Variants in MAST4 observed in about 807,000 individuals in gnomAD.
MAST4 encodes microtubule associated serine/threonine kinase family member 4.
MAST4 carries 89 observed loss-of-function variants against 162.7 expected under a neutral mutation model. The observed-to-expected ratio is 0.55, with a 90% CI of 0.46 to 0.65. The LOEUF is 0.65. MAST4 is among the 30% of genes least tolerant of loss of function. The pLI is 0.00. For missense variants in MAST4, 3,153 were observed against 3,374.0 expected (o/e 0.93, Z 1.62); for synonymous variants, 1,479 against 1,361.1 (o/e 1.09, Z -1.91).
intron 4 of MAST4, among the ~76,000 whole-genome samples, chr5:67,014,698 A>T (rs1484018702): frequency 3.3e-5 from 5 of 152,212 alleles, no homozygotes; most frequent in Non-Finnish European, 4.4e-5. Flanking sequence ...CAGGCTTAAG[A>T]TCAGAGACCT....
chr5:67,000,609 G>T (rs943992375), intron 4 of MAST4, among the ~76,000 whole-genome samples: 3 of 152,152 alleles, frequency 2.0e-5, no homozygotes, highest in Non-Finnish European at 4.4e-5. Context: ...TTAGTTGGGT[G>T]TGGTGGCGAC....
In MAST4 at chr5:67,166,109, A is replaced by T. The variant is rs1773916186; in HGVS notation, c.6930A>T (p.Pro2310=). ...KPVHLPRPGH[P]GPSEPADQKL... is the part of the protein sequence containing the mutation. ...TGCATTTGCCAAGGCCGGGACACCC[A>T]GGGCCTAGTGAGCCAGCGGACCAGA... Residue 2310 remains proline (P), a synonymous_variant, in exon 29 of 29, where the codon CCA becomes CCT. Coordinates refer to ENST00000403625, the MANE Select transcript of MAST4 (RefSeq NM_001164664.2). 1.9e-6 allele frequency: 3 copies of T among 1,610,404 alleles called. No individual in the cohort carries two copies. The highest frequency in any genetic ancestry group is 2.5e-6 in the Non-Finnish European group (3 of 1,178,246).
intron 4 of MAST4, chr5:67,004,838 T>C (rs549324234): frequency 5.0e-6 from 3 of 604,114 alleles, no homozygotes; most frequent in East Asian, 2.8e-5. Context: ...CAAGTTGTTC[T>C]TGAGATCACA....
intron 5 of MAST4, among the ~76,000 whole-genome samples, chr5:67,066,463 G>A (rs952783563): frequency 6.6e-6 from 1 of 150,828 alleles, no homozygotes; most frequent in African/African-American, 2.4e-5. Context: ...ATATATAAAT[G>A]TATGATCATA....
At chr5:66,728,873 A>G (rs1241313520) in intron 1 of MAST4, among the ~76,000 whole-genome samples, 3 of 152,234 alleles carry the variant, frequency 2.0e-5, no homozygotes, top group African/African-American at 7.2e-5. Context: ...AAATAACACC[A>G]AAAGTCTGTC....
intron 4 of MAST4, among the ~76,000 whole-genome samples, chr5:66,914,721 T>C (rs114026288): frequency 0.013 from 1,927 of 152,284 alleles, 11 homozygotes; most frequent in Non-Finnish European, 0.019. Flanking sequence ...ACTGATTGCT[T>C]ATCTAGGACA....
At chr5:66,625,536 T>A (rs1465391731) in intron 1 of MAST4, among the ~76,000 whole-genome samples, 6 of 152,122 alleles carry the variant, frequency 3.9e-5, no homozygotes, top group Admixed American at 2.6e-4. Flanking sequence ...AGTACCTAAA[T>A]AGGTACTTGT....
At chr5:66,969,569 C>A (rs141191837) in intron 4 of MAST4, among the ~76,000 whole-genome samples, 179 of 152,296 alleles carry the variant, frequency 1.2e-3, no homozygotes, top group African/African-American at 4.0e-3. Flanking sequence ...GCGTAATTCT[C>A]ACCTAGTCCC....
intron 4 of MAST4, among the ~76,000 whole-genome samples, chr5:66,979,868 A>G (rs1386598871): frequency 6.6e-6 from 1 of 152,238 alleles, no homozygotes; most frequent in African/African-American, 2.4e-5. Flanking sequence ...TGTGTATAGA[A>G]TACATTTAAC....
intron 1 of MAST4, among the ~76,000 whole-genome samples, chr5:66,687,513 G>GAT (rs1183728609): frequency 1.4e-5 from 2 of 148,052 alleles, no homozygotes; most frequent in African/African-American, 5.3e-5. Context: ...TGTATACATA[G>GAT]ATGTGTGTGT....
chr5:66,883,420 C>CTTTTTTTTTTTTTTTTTT (rs1484230630), intron 3 of MAST4, among the ~76,000 whole-genome samples: 2 of 125,514 alleles, frequency 1.6e-5, no homozygotes, highest in Non-Finnish European at 1.6e-5. Context: ...TGTTCTGTCA[C>CTTTTTTTTTTTTTTTTTT]TGTTTTTTTT....
chr5:67,166,563 T>C lies in MAST4; in HGVS notation c.7384T>C (p.Ser2462Pro). 6.2e-7 allele frequency: 1 copy of C among 1,605,666 alleles called. No individual in the cohort carries two copies. The change falls in exon 29 of 29, where the codon TCC (serine) becomes CCC (proline). Residue 2462 changes from serine (S) to proline (P), a missense_variant. Ser to Pro is a moderately conservative substitution (Grantham distance 74, BLOSUM62 -1). Transcript: ENST00000403625. Reference sequence around the variant, plus strand: ...CCTCCCGGAAAAGTCTCTGAGCTGCTCCTCCAGCTTCCCTGAAACCAGGGC... The same window carrying C: ...CCTCCCGGAAAAGTCTCTGAGCTGCCCCTCCAGCTTCCCTGAAACCAGGGC... Reference protein sequence around the residue: ...TALPEKSLSCSSSFPETRAGV... With the variant: ...TALPEKSLSCPSSFPETRAGV...
At chr5:66,905,325 AAAATG>A (rs70987145) in intron 4 of MAST4, among the ~76,000 whole-genome samples, 3,440 of 144,514 alleles carry the variant, frequency 0.024, 117 homozygotes, top group African/African-American at 0.057. Context: ...AAAAAAAAAA[AAAATG>A]GGATATCCAG....
At chr5:67,071,022 G>C (rs769397086) in intron 5 of MAST4, among the ~76,000 whole-genome samples, 1 of 152,072 alleles carries the variant, frequency 6.6e-6, no homozygotes, top group Non-Finnish European at 1.5e-5. Context: ...GATAAGTTGG[G>C]GATTCATTTA....
intron 1 of MAST4, among the ~76,000 whole-genome samples, chr5:66,607,999 A>G (rs1011642240): frequency 3.9e-5 from 6 of 151,930 alleles, no homozygotes; most frequent in African/African-American, 1.5e-4. Context: ...ATATGTATAT[A>G]TTTTGAAATG....
intron 23 of MAST4, among the ~76,000 whole-genome samples, 158 bp downstream of exon 23, chr5:67,145,537 C>T (rs1227151659): frequency 6.6e-6 from 1 of 152,214 alleles, no homozygotes; most frequent in Non-Finnish European, 1.5e-5. Flanking sequence ...ACACGATCTT[C>T]TGAGAGCTAA....
chr5:67,082,180 C>T (rs1381715463), intron 5 of MAST4, among the ~76,000 whole-genome samples: 2 of 139,014 alleles, frequency 1.4e-5, no homozygotes, highest in Admixed American at 1.5e-4. Context: ...GACGGAGTCT[C>T]ACTCTGTCGT....
intron 1 of MAST4, among the ~76,000 whole-genome samples, chr5:66,747,525 T>A (rs1244138326): frequency 1.3e-5 from 2 of 152,328 alleles, no homozygotes; most frequent in African/African-American, 2.4e-5. Context: ...TTTGGGTAAA[T>A]TGATGTTGCT....
chr5:66,607,449 G>T (rs1419246984), intron 1 of MAST4, among the ~76,000 whole-genome samples: 2 of 152,134 alleles, frequency 1.3e-5, no homozygotes, highest in African/African-American at 2.4e-5. Context: ...TATTCTGCCA[G>T]GATAATTCTT....
Sources: allele counts gnomAD v4.1 joint callset (sites outside exome capture counted in the v4.1 genomes callset), GRCh38; gene constraint gnomAD v4.1.1; transcripts MANE v1.5; gene names NCBI Gene and HGNC (gene_info 2026-07-23, HGNC 2026-07-21).